Variants in RGS17 observed in about 807,000 individuals in gnomAD.
The protein encoded by RGS17 is regulator of G-protein signaling 17.
RGS17 carries 12 observed loss-of-function variants against 25.5 expected under a neutral mutation model. The ratio of observed to expected loss-of-function variants is 0.47; its 90% CI spans 0.30 to 0.76. The LOEUF is 0.76. Ranked by LOEUF, RGS17 falls within the 30% of genes least tolerant of loss-of-function variation. RGS17 has a pLI of 0.07. For missense variants in RGS17, 196 were observed against 242.2 expected (o/e 0.81, Z 1.27); for synonymous variants, 71 against 76.9 (o/e 0.92, Z 0.40).
In RGS17 at chr6:153,024,298, T is replaced by C; in HGVS notation, c.408A>G (p.Ile136Met). ...ATAGTATAGAAATGTAATCTTCATA[T>C]ATCATCCTAGCCTTTTCTTCAATTA... ...KKVIEEKARM[I>M]YEDYISILSP... is the part of the protein sequence containing the mutation. Residue 136 changes from isoleucine to methionine, a missense_variant, in exon 4 of 5, where the codon ATA becomes ATG. By Grantham distance (10) the Ile-to-Met change is conservative. This residue lies in a region of RGS17 where 179 missense variants were observed against 197.6 expected (regional missense o/e 0.91). Transcript: ENST00000206262. 1 of 1,613,228 alleles carries C rather than the reference T, an allele frequency of 6.2e-7. No individual in the cohort carries two copies. The highest frequency in any genetic ancestry group is 1.1e-5 in the South Asian group (1 of 91,016).
In RGS17 at chr6:153,037,760, T is replaced by C. The variant is rs375862423; in HGVS notation, c.119+6140A>G. On this transcript the variant is annotated intron_variant, in intron 2 of 4. Transcript: ENST00000206262. ...ATTTTAATGCATGAAACTTCAGTTA[T>C]CTGTTTACAAAAATGCCTGGCAGCA... 2.7e-4 allele frequency among the ~76,000 whole-genome samples: 41 copies of C among 152,332 alleles called. 5 individuals carry two copies. Among genetic ancestry groups the C allele is most frequent in the Admixed American group, 2.0e-3 (31 of 15,298 alleles).
intron 1 of RGS17, among the ~76,000 whole-genome samples, chr6:153,053,754 T>G (rs1026245476): frequency 6.6e-6 from 1 of 150,702 alleles, no homozygotes; most frequent in South Asian, 2.1e-4. Context: ...GATCGCACCA[T>G]GTACTCTAGC....
intron 1 of RGS17, among the ~76,000 whole-genome samples, chr6:153,070,802 CAT>C (rs1305569191): frequency 6.7e-6 from 1 of 150,296 alleles, no homozygotes; most frequent in Non-Finnish European, 1.5e-5. Flanking sequence ...CATACATATA[CAT>C]ATACACATAT....
At position 153,008,733 on chromosome 6, in the gene RGS17, G is replaced by T. The variant is rs1256455129; in HGVS notation, c.*2841C>A. 6.6e-6 allele frequency: 1 copy of T among 152,100 alleles called. No individual in the cohort carries two copies. Among genetic ancestry groups the T allele is most frequent in the East Asian group, 1.9e-4 (1 of 5,198 alleles). 9.4% of individuals were successfully genotyped at this position (152,100 alleles called of 1,614,324 possible). Reference sequence around the variant, plus strand: ...ATTTTAAAGTGCTAATTTTTCCCCAGGGAGGAATTTACTCACTAGGAAAAC... The same window carrying T: ...ATTTTAAAGTGCTAATTTTTCCCCATGGAGGAATTTACTCACTAGGAAAAC... On this transcript the variant is annotated 3_prime_UTR_variant, in exon 5 of 5. Coordinates refer to ENST00000206262, the MANE Select transcript of RGS17 (RefSeq NM_012419.5).
chr6:153,078,457 G>GT (rs1029240249), intron 1 of RGS17, among the ~76,000 whole-genome samples: 37 of 151,778 alleles, frequency 2.4e-4, no homozygotes, highest in African/African-American at 7.3e-4. Context: ...CTGTTTTATT[G>GT]TTTTTTCAGA....
intron 1 of RGS17, among the ~76,000 whole-genome samples, chr6:153,062,974 A>AAGGCAGTACCTGTAC (rs1776658958): frequency 6.6e-6 from 1 of 152,174 alleles, no homozygotes; most frequent in Non-Finnish European, 1.5e-5. Context: ...CAGGACCATC[A>AAGGCAGTACCTGTAC]AGGCAGTACC....
At chr6:153,125,442 T>C (rs1021843132) in intron 1 of RGS17, among the ~76,000 whole-genome samples, 8 of 152,216 alleles carry the variant, frequency 5.3e-5, no homozygotes, top group African/African-American at 1.9e-4. Flanking sequence ...TCAAATCCAT[T>C]TCTATTTGAA....
intron 2 of RGS17, among the ~76,000 whole-genome samples, chr6:153,043,570 T>C (rs1776348252): frequency 6.6e-6 from 1 of 151,954 alleles, no homozygotes; most frequent in Non-Finnish European, 1.5e-5. Context: ...CATTGGAGAA[T>C]ATTGCTTATT....
chr6:153,115,528 C>T (rs1419539846), intron 1 of RGS17, among the ~76,000 whole-genome samples: 2 of 152,086 alleles, frequency 1.3e-5, no homozygotes, highest in African/African-American at 4.8e-5. Context: ...CAATGCTATC[C>T]CCATCTAGCT....
chr6:153,026,723 G>T (rs995108380), intron 2 of RGS17, among the ~76,000 whole-genome samples, 180 bp from the exon 3 acceptor site: 1 of 152,144 alleles, frequency 6.6e-6, no homozygotes, highest in Admixed American at 6.5e-5. Flanking sequence ...AAAGGGAAGA[G>T]AATAATTTTT....
At chr6:153,058,136 G>A (rs935450506) in intron 1 of RGS17, among the ~76,000 whole-genome samples, 1 of 152,170 alleles carries the variant, frequency 6.6e-6, no homozygotes, top group Non-Finnish European at 1.5e-5. Context: ...ATAAATACTT[G>A]GAACAAATCT....
intron 1 of RGS17, among the ~76,000 whole-genome samples, chr6:153,060,339 C>T (rs1444636938): frequency 6.6e-6 from 1 of 152,174 alleles, no homozygotes; most frequent in Non-Finnish European, 1.5e-5. Context: ...TCACTGGACT[C>T]GGACATCCTA....
intron 4 of RGS17, among the ~76,000 whole-genome samples, chr6:153,019,115 A>G (rs1206184189): frequency 6.6e-6 from 1 of 152,244 alleles, no homozygotes; most frequent in Non-Finnish European, 1.5e-5. Context: ...AACATCACAG[A>G]TATCACGGGT....
chr6:153,084,438 T>C (rs1339684910), intron 1 of RGS17, among the ~76,000 whole-genome samples: 1 of 152,252 alleles, frequency 6.6e-6, no homozygotes, highest in South Asian at 2.1e-4. Context: ...AGAGAAGGTC[T>C]GGGCTGTTAA....
At chr6:153,121,237 G>A (rs1245570924) in intron 1 of RGS17, among the ~76,000 whole-genome samples, 1 of 152,120 alleles carries the variant, frequency 6.6e-6, no homozygotes, top group Non-Finnish European at 1.5e-5. Context: ...CACACAGGCT[G>A]TATTTACCAA....
chr6:153,029,360 T>C (rs996957658), intron 2 of RGS17, among the ~76,000 whole-genome samples: 106 of 152,294 alleles, frequency 7.0e-4, no homozygotes, highest in African/African-American at 2.5e-3. Flanking sequence ...ATGGAGAAAA[T>C]AGACAAGGGA....
intron 2 of RGS17, among the ~76,000 whole-genome samples, chr6:153,041,352 G>C (rs1776318643): frequency 6.6e-6 from 1 of 152,170 alleles, no homozygotes; most frequent in Non-Finnish European, 1.5e-5. Flanking sequence ...AGAGCTAACA[G>C]AGCATGCAGC....
intron 3 of RGS17, 140 bp downstream of exon 3, chr6:153,026,314 A>G: frequency 2.1e-6 from 1 of 478,946 alleles, no homozygotes; most frequent in South Asian, 7.0e-5. Flanking sequence ...ACAAAATAAG[A>G]TCTTCCAGAT....
At chr6:153,044,985 A>G in intron 1 of RGS17, among the ~76,000 whole-genome samples, 1 of 152,238 alleles carries the variant, frequency 6.6e-6, no homozygotes, top group East Asian at 1.9e-4. Flanking sequence ...ATGTATGTAA[A>G]TCATACACAT....
Sources: gnomAD v4.1 joint callset for allele counts (sites outside exome capture counted in the v4.1 genomes callset) on GRCh38, gnomAD v4.1.1 for gene constraint, gnomAD v4.1.1 regional missense constraint, MANE v1.5 for transcripts, NCBI Gene and HGNC (gene_info 2026-07-23, HGNC 2026-07-21) for gene names.